The following BAZ1A variants were observed in gnomAD, a reference collection of about 807,000 sequenced individuals.
The protein encoded by BAZ1A is bromodomain adjacent to zinc finger domain protein 1A.
A neutral mutation model predicts 185.2 loss-of-function variants in BAZ1A; 50 were observed. The ratio of observed to expected loss-of-function variants is 0.27; its 90% CI spans 0.22 to 0.34. The LOEUF (loss-of-function observed/expected upper bound fraction) is 0.34, where lower values mean the gene tolerates loss of function less well. Ranked by LOEUF, BAZ1A falls within the 10% of genes least tolerant of loss-of-function variation. The probability of loss-of-function intolerance (pLI) is 1.00; values close to 1 mark genes in which losing one functional copy is unlikely to be tolerated. For synonymous variants in BAZ1A, 571 were observed against 615.6 expected (o/e 0.93, Z 1.07); for missense variants, 1,356 against 1,839.9 (o/e 0.74, Z 4.81).
intron 8 of BAZ1A, among the ~76,000 whole-genome samples, chr14:34,800,777 GCAAT>G (rs1881483327): frequency 6.6e-6 from 1 of 152,146 alleles, no homozygotes; most frequent in Non-Finnish European, 1.5e-5. Context: ...AGTTTGGGAA[GCAAT>G]GTTTTAAAAG....
chr14:34,806,356 C>A (rs1309762289), intron 6 of BAZ1A, among the ~76,000 whole-genome samples: 3 of 152,018 alleles, frequency 2.0e-5, no homozygotes, highest in African/African-American at 7.2e-5. Context: ...ACATAGTTAA[C>A]GTGTCATGGG....
At chr14:34,830,770 T>C (rs2042230169) in intron 3 of BAZ1A, among the ~76,000 whole-genome samples, 1 of 107,408 alleles carries the variant, frequency 9.3e-6, no homozygotes, top group Non-Finnish European at 2.2e-5. Context: ...CTACAACTCC[T>C]TTTTTTTTTT....
At chr14:34,769,425 TTCTA>T (rs1879064153) in intron 21 of BAZ1A, among the ~76,000 whole-genome samples, 1 of 152,204 alleles carries the variant, frequency 6.6e-6, no homozygotes. Context: ...AATTATAACT[TTCTA>T]TCTTTTGGAA....
At chr14:34,830,670 TAA>T (rs1479370013) in intron 3 of BAZ1A, among the ~76,000 whole-genome samples, 4 of 151,058 alleles carry the variant, frequency 2.6e-5, no homozygotes, top group Non-Finnish European at 5.9e-5. Context: ...TATATCTCAA[TAA>T]AGTCATTAAA....
At chr14:34,793,982 A>G (rs1168896935) in intron 11 of BAZ1A, among the ~76,000 whole-genome samples, 2 of 152,028 alleles carry the variant, frequency 1.3e-5, no homozygotes, top group African/African-American at 4.8e-5. Context: ...AAAGAAAAAA[A>G]TTAGCTGGGC....
intron 7 of BAZ1A, among the ~76,000 whole-genome samples, chr14:34,802,339 GA>G (rs1452962305): frequency 6.6e-6 from 1 of 152,010 alleles, no homozygotes; most frequent in Non-Finnish European, 1.5e-5. Context: ...TCCCGGGTTT[GA>G]GCAATTCTCG....
intron 9 of BAZ1A, among the ~76,000 whole-genome samples, chr14:34,798,447 G>T (rs1195577913): frequency 6.6e-6 from 1 of 152,212 alleles, no homozygotes; most frequent in Non-Finnish European, 1.5e-5. Context: ...ACATCATATG[G>T]GTAGGTGCCC....
chr14:34,829,474 T>C lies in BAZ1A; in HGVS notation c.393-3318A>G, dbSNP rs532833099. On this transcript the variant is annotated intron_variant, in intron 3 of 26. Coordinates refer to ENST00000360310, the MANE Select transcript of BAZ1A (RefSeq NM_013448.3). Reference sequence around the variant, plus strand: ...AATTAATAGCAACTTCCTATCAATTTATAATCTGCTCTTCAATGTATCCTC... The same window carrying C: ...AATTAATAGCAACTTCCTATCAATTCATAATCTGCTCTTCAATGTATCCTC... 2.0e-5 allele frequency among the ~76,000 whole-genome samples: 3 copies of C among 152,288 alleles called. No individual in the cohort carries two copies. The South Asian group carries it at 6.2e-4, about 32-fold the overall frequency.
chr14:34,820,121 C>CTTT (rs1594872711), intron 4 of BAZ1A, among the ~76,000 whole-genome samples: 17 of 93,956 alleles, frequency 1.8e-4, no homozygotes, highest in East Asian at 5.7e-4. Flanking sequence ...TTGGGTTCCT[C>CTTT]GTTTTTTTTT....
Position 34,774,463 on chromosome 14 carries a change from G to A in BAZ1A, c.2861C>T (p.Thr954Ile). 1.2e-6 allele frequency: 2 copies of A among 1,604,944 alleles called. No homozygotes were observed. Among genetic ancestry groups the A allele is most frequent in the Non-Finnish European group, 1.7e-6 (2 of 1,176,426 alleles). The stretch of plus-strand genomic sequence containing the variant: ...ATTGGAAGATCTTCCCCGACTATAT[G>A]TTGGTTTGCTATCAGGCTGAGGTTT... Reference protein sequence around the residue: ...SDKPQPDSKPTYSRGRSSNAY... With the variant: ...SDKPQPDSKPIYSRGRSSNAY... Residue 954 changes from threonine (T) to isoleucine (I), a missense_variant, in exon 19 of 27, where the codon ACA becomes ATA. Physicochemically the swap from Thr to Ile is moderately conservative, Grantham distance 89. This residue lies in a region of BAZ1A where 434 missense variants were observed against 561.7 expected (regional missense o/e 0.77). Transcript: ENST00000360310.
In BAZ1A at chr14:34,786,756, T is replaced by C. The variant is rs1351139714; in HGVS notation, c.1511-535A>G. Among the ~76,000 whole-genome samples the C allele has an allele frequency of 6.6e-5, 10 of 151,800 alleles. No homozygotes were observed. In the East Asian group the frequency reaches 2.0e-3, roughly 30 times the overall value. ...CCGAGTAGCTGGGACTACAGGCACC[T>C]GCCACCACGCCCGGCTAATTTTTGT... On this transcript the variant is annotated intron_variant, in intron 12 of 26. Transcript: ENST00000360310.
intron 3 of BAZ1A, among the ~76,000 whole-genome samples, chr14:34,827,191 G>C (rs1004541042): frequency 2.6e-5 from 4 of 152,088 alleles, no homozygotes; most frequent in African/African-American, 7.2e-5. Flanking sequence ...CTAAATTTGT[G>C]ACCTAGCATA....
chr14:34,800,640 T>G (rs988340802), intron 8 of BAZ1A, among the ~76,000 whole-genome samples: 3 of 152,218 alleles, frequency 2.0e-5, no homozygotes, highest in Admixed American at 6.5e-5. Context: ...AAGTGTGATC[T>G]GAAGACCAGC....
At chr14:34,783,067 T>G in intron 16 of BAZ1A, 52 bp downstream of exon 16, 5 of 1,358,904 alleles carry the variant, frequency 3.7e-6, no homozygotes, top group Non-Finnish European at 4.1e-6. Context: ...GGTGTCTGGT[T>G]TTTATTCTTT....
chr14:34,846,755 C>T (rs985647995), intron 3 of BAZ1A, among the ~76,000 whole-genome samples: 1 of 152,070 alleles, frequency 6.6e-6, no homozygotes, highest in Non-Finnish European at 1.5e-5. Context: ...GTTGGATGGT[C>T]TCTGGTACAT....
chr14:34,763,435 A>T (rs1253285298), intron 23 of BAZ1A, among the ~76,000 whole-genome samples: 1 of 151,060 alleles, frequency 6.6e-6, no homozygotes, highest in Non-Finnish European at 1.5e-5. Context: ...AAAAAAAAAA[A>T]AAGCCGGGGG....
intron 2 of BAZ1A, among the ~76,000 whole-genome samples, chr14:34,866,826 T>A (rs991659523): frequency 6.6e-6 from 1 of 152,094 alleles, no homozygotes; most frequent in Non-Finnish European, 1.5e-5. Flanking sequence ...GTTAGTCACA[T>A]GTATAATTTT....
chr14:34,834,473 A>G (rs1292677982), intron 3 of BAZ1A, among the ~76,000 whole-genome samples: 1 of 152,216 alleles, frequency 6.6e-6, no homozygotes, highest in Non-Finnish European at 1.5e-5. Context: ...GAGGACTAAT[A>G]TATTTAAAAC....
chr14:34,804,456 C>T (rs1438722491), intron 6 of BAZ1A, among the ~76,000 whole-genome samples: 3 of 152,100 alleles, frequency 2.0e-5, no homozygotes, highest in Admixed American at 6.6e-5. Flanking sequence ...AAAATAATGA[C>T]ACAAAATACA....
Sources: gnomAD v4.1 joint callset for allele counts (sites outside exome capture counted in the v4.1 genomes callset) on GRCh38, gnomAD v4.1.1 for gene constraint, gnomAD v4.1.1 regional missense constraint, MANE v1.5 for transcripts, NCBI Gene and HGNC (gene_info 2026-07-23, HGNC 2026-07-21) for gene names.